The following CDH23 variants were observed in gnomAD, a reference collection of about 807,000 sequenced individuals.
The protein encoded by CDH23 is cadherin-23.
In CDH23, 189 loss-of-function variants were observed where a neutral mutation model predicts 317.1. That is an observed-to-expected ratio of 0.60 (90% CI 0.53 to 0.67). CDH23 has a LOEUF of 0.67. CDH23 is among the 30% of genes least tolerant of loss of function. The pLI is 0.00. For missense variants in CDH23, 4,401 were observed against 4,592.4 expected (o/e 0.96, Z 1.20); for synonymous variants, 1,839 against 1,876.8 (o/e 0.98, Z 0.52).
At chr10:71,411,673 C>T (rs1848349936) in intron 1 of CDH23, among the ~76,000 whole-genome samples, 1 of 152,104 alleles carries the variant, frequency 6.6e-6, no homozygotes, top group Non-Finnish European at 1.5e-5. Flanking sequence ...ATACTTACTT[C>T]AATTCTGGTA....
At chr10:71,704,465 T>C (rs556117447) in intron 24 of CDH23, among the ~76,000 whole-genome samples, 206 of 152,334 alleles carry the variant, frequency 1.4e-3, no homozygotes, top group African/African-American at 4.8e-3. Flanking sequence ...TTATTTTTGT[T>C]GTTACTATCT....
At chr10:71,625,271 C>T (rs1316395677) in intron 11 of CDH23, among the ~76,000 whole-genome samples, 2 of 150,862 alleles carry the variant, frequency 1.3e-5, no homozygotes, top group South Asian at 2.1e-4. Flanking sequence ...AACGGGGACA[C>T]ATCTGGCAGG....
chr10:71,807,423 C>T lies in CDH23; in HGVS notation c.8308+17C>T, dbSNP rs2132988083. 6.2e-7 allele frequency: 1 copy of T among 1,613,662 alleles called. No individual in the cohort carries two copies. Among genetic ancestry groups the T allele is most frequent in the Non-Finnish European group, 8.5e-7 (1 of 1,179,630 alleles). On this transcript the variant is annotated intron_variant, in intron 58 of 69. Coordinates refer to ENST00000224721, the MANE Select transcript of CDH23 (RefSeq NM_022124.6). The stretch of plus-strand genomic sequence containing the variant: ...TCATCGCAGGTGGGGCCAGACAGAG[C>T]TAGTGCCCTGATTACCCTGGGGCTA...
At position 71,805,991 on chromosome 10, in the gene CDH23, G is replaced by A. The variant is rs2132984135; in HGVS notation, c.8058G>A (p.Val2686=). The change falls in exon 56 of 70, where the codon GTG becomes GTA. Residue 2686 remains valine, a synonymous_variant. Coordinates refer to ENST00000224721, the MANE Select transcript of CDH23 (RefSeq NM_022124.6). Reference sequence around the variant, plus strand: ...GCCTGGACCGCGAGTCGCAGGCGGTGTACAGCGTAAGGGCGGGGCCCGGTG... The same window carrying A: ...GCCTGGACCGCGAGTCGCAGGCGGTATACAGCGTAAGGGCGGGGCCCGGTG... The part of the protein sequence containing the change: ...AQRLDRESQA[V]YSLILVASDL... 2 of 1,451,422 alleles carry A rather than the reference G, an allele frequency of 1.4e-6. No homozygotes were observed. Among genetic ancestry groups the A allele is most frequent in the Middle Eastern group, 1.9e-4 (1 of 5,364 alleles). 89.9% of individuals were successfully genotyped at this position (1,451,422 alleles called of 1,614,324 possible).
intron 41 of CDH23, among the ~76,000 whole-genome samples, chr10:71,783,396 A>G (rs139588529): frequency 6.6e-6 from 1 of 152,336 alleles, no homozygotes; most frequent in African/African-American, 2.4e-5. Context: ...GTGCGAGGCA[A>G]TGGGTTAAGA....
At chr10:71,806,610 C>T (rs1841734453) in intron 57 of CDH23, among the ~76,000 whole-genome samples, 2 of 148,088 alleles carry the variant, frequency 1.4e-5, no homozygotes, top group South Asian at 2.1e-4. Flanking sequence ...GACAGAGTCT[C>T]GCTCCGTTGC....
intron 14 of CDH23, among the ~76,000 whole-genome samples, chr10:71,667,573 C>T (rs887633870): frequency 2.0e-5 from 3 of 151,678 alleles, no homozygotes; most frequent in South Asian, 2.1e-4. Context: ...GTGTGTGGTG[C>T]GTGCATGTGT....
intron 3 of CDH23, among the ~76,000 whole-genome samples, chr10:71,472,698 G>C (rs553498420): frequency 6.6e-6 from 1 of 152,222 alleles, no homozygotes; most frequent in African/African-American, 2.4e-5. Context: ...GGGTTGCCAA[G>C]GGAGGGGTCT....
At chr10:71,630,956 C>T (rs1389539383) in intron 11 of CDH23, among the ~76,000 whole-genome samples, 1 of 152,110 alleles carries the variant, frequency 6.6e-6, no homozygotes, top group Non-Finnish European at 1.5e-5. Context: ...TATTTAAAGC[C>T]ACCGGTGGCC....
At chr10:71,619,535 G>C (rs1861364469) in intron 11 of CDH23, among the ~76,000 whole-genome samples, 1 of 152,172 alleles carries the variant, frequency 6.6e-6, no homozygotes, top group Non-Finnish European at 1.5e-5. Flanking sequence ...GAACCATAAT[G>C]CCCAAGAGAA....
At chr10:71,675,733 C>A (rs1376865202) in intron 15 of CDH23, among the ~76,000 whole-genome samples, 1 of 152,114 alleles carries the variant, frequency 6.6e-6, no homozygotes, top group East Asian at 1.9e-4. Flanking sequence ...ACACAGCCTG[C>A]CCCAAGAGGG....
At chr10:71,483,121 TG>T (rs1434895315) in intron 3 of CDH23, among the ~76,000 whole-genome samples, 1 of 152,208 alleles carries the variant, frequency 6.6e-6, no homozygotes, top group Non-Finnish European at 1.5e-5. Context: ...AGCTGGGGCC[TG>T]GGTGCCAGTA....
chr10:71,728,276 C>T (rs1866905707), intron 30 of CDH23, among the ~76,000 whole-genome samples: 1 of 151,240 alleles, frequency 6.6e-6, no homozygotes, highest in Non-Finnish European at 1.5e-5. Flanking sequence ...AACAGCTGTG[C>T]TCTGGAGTGG....
intron 3 of CDH23, among the ~76,000 whole-genome samples, chr10:71,468,930 G>T (rs1851380297): frequency 6.6e-6 from 1 of 152,108 alleles, no homozygotes; most frequent in Admixed American, 6.5e-5. Flanking sequence ...CCTCAGGCTG[G>T]CTCTCAGGAG....
At chr10:71,784,168 C>T (rs1589419399) in intron 41 of CDH23, 119 bp from the exon 42 acceptor site, 3 of 1,090,796 alleles carry the variant, frequency 2.8e-6, no homozygotes, top group Non-Finnish European at 3.9e-6. Context: ...AGGACCCGGG[C>T]CCCAGCTGTC....
At chr10:71,756,451 T>C (rs569023389) in intron 38 of CDH23, among the ~76,000 whole-genome samples, 2 of 152,338 alleles carry the variant, frequency 1.3e-5, no homozygotes, top group African/African-American at 4.8e-5. Flanking sequence ...TAACTAATAA[T>C]GTAGCAATGA....
At chr10:71,557,112 A>G (rs1318336854) in intron 6 of CDH23, among the ~76,000 whole-genome samples, 1 of 152,186 alleles carries the variant, frequency 6.6e-6, no homozygotes, top group Non-Finnish European at 1.5e-5. Flanking sequence ...AAACTTAATT[A>G]TATTTCTCTT....
intron 41 of CDH23, among the ~76,000 whole-genome samples, chr10:71,783,633 G>A (rs1220758048): frequency 6.6e-6 from 1 of 152,180 alleles, no homozygotes; most frequent in Non-Finnish European, 1.5e-5. Context: ...GGGGCCACAG[G>A]GCCAGCGGGG....
chr10:71,645,628 G>C (rs367560320), intron 12 of CDH23: 1 of 755,732 alleles, frequency 1.3e-6, no homozygotes, highest in South Asian at 1.4e-5. Flanking sequence ...AGCCAGAGGA[G>C]GTTTCCAGAG....
Sources: gnomAD v4.1 joint callset for allele counts (sites outside exome capture counted in the v4.1 genomes callset) on GRCh38, gnomAD v4.1.1 for gene constraint, MANE v1.5 for transcripts, NCBI Gene and HGNC (gene_info 2026-07-23, HGNC 2026-07-21) for gene names.